The following SYNE1 variants were observed in gnomAD, a reference collection of about 807,000 sequenced individuals.
The protein encoded by SYNE1 is spectrin repeat containing nuclear envelope protein 1.
SYNE1 carries 616 observed loss-of-function variants against 1,111.0 expected under a neutral mutation model. That is an observed-to-expected ratio of 0.55 (90% CI 0.52 to 0.59). The LOEUF is 0.59. Among genes scored for constraint, SYNE1 ranks in the 20% least tolerant of loss-of-function variants. The pLI, the probability that SYNE1 is intolerant of heterozygous loss-of-function variation, is 0.00. For synonymous variants in SYNE1, 3,855 were observed against 3,825.8 expected (o/e 1.01, Z -0.28); for missense variants, 10,006 against 10,417.0 (o/e 0.96, Z 1.72).
Position 152,364,686 on chromosome 6 carries a change from G to GAGGAAGGAAGGA in SYNE1, c.10145+149_10145+160dup, listed in dbSNP as rs138395598. Among the ~76,000 whole-genome samples, 2,534 of 107,986 alleles carry GAGGAAGGAAGGA rather than the reference G, an allele frequency of 0.023. 86 individuals carry two copies. Among genetic ancestry groups the GAGGAAGGAAGGA allele is most frequent in the African/African-American group, 0.061 (1,614 of 26,312 alleles). 70.8% of individuals were successfully genotyped at this position (107,986 alleles called of 152,430 possible). A position where few individuals can be genotyped will look rare whatever the true frequency, so the allele number is the denominator to read the frequency against. On this transcript the variant is annotated intron_variant, in intron 63 of 145. Transcript: ENST00000367255. The stretch of plus-strand genomic sequence containing the variant: ...AGGGAGGGAAGGAGGAAGGAGGAAG[G>GAGGAAGGAAGGA]AGGAAGGAAGGAAGGAAGGAAGGAA...
intron 4 of SYNE1, among the ~76,000 whole-genome samples, chr6:152,528,872 G>A (rs944633736): frequency 6.6e-6 from 1 of 152,146 alleles, no homozygotes; most frequent in African/African-American, 2.4e-5. Flanking sequence ...TTACATTTAT[G>A]GGTTTGTGTA....
chr6:152,601,623 G>T (rs1467165141), intron 3 of SYNE1, among the ~76,000 whole-genome samples: 1 of 152,152 alleles, frequency 6.6e-6, no homozygotes, highest in Non-Finnish European at 1.5e-5. Flanking sequence ...CAGGCCATAG[G>T]CAGGAGGAGC....
At chr6:152,419,757 A>G (rs754940998) in intron 39 of SYNE1, 35 bp from the exon 40 acceptor site, 10 of 1,608,914 alleles carry the variant, frequency 6.2e-6, no homozygotes, top group Non-Finnish European at 8.5e-6. Context: ...AAAATGTCCC[A>G]TAAGTAAACA....
intron 3 of SYNE1, among the ~76,000 whole-genome samples, chr6:152,554,718 A>G (rs116142422): frequency 1.9e-3 from 290 of 152,242 alleles, no homozygotes; most frequent in African/African-American, 6.3e-3. Context: ...TCTGACCTCC[A>G]TATCATCATC....
chr6:152,254,033 G>C (rs2090196768), intron 104 of SYNE1, among the ~76,000 whole-genome samples: 1 of 151,062 alleles, frequency 6.6e-6, no homozygotes. Context: ...TTTTGCATTT[G>C]TTCCGGTATA....
intron 3 of SYNE1, among the ~76,000 whole-genome samples, chr6:152,597,419 T>A (rs1422924160): frequency 6.6e-6 from 1 of 152,208 alleles, no homozygotes; most frequent in Non-Finnish European, 1.5e-5. Flanking sequence ...TAGCTGGGAC[T>A]ACAGATGTGC....
At position 152,387,330 on chromosome 6, in the gene SYNE1, G is replaced by C; in HGVS notation, c.8229C>G (p.Asn2743Lys). 6.2e-7 allele frequency: 1 copy of C among 1,614,138 alleles called. No homozygotes were observed. The highest frequency in any genetic ancestry group is 8.5e-7 in the Non-Finnish European group (1 of 1,180,016). Residue 2743 changes from asparagine (N) to lysine (K), a missense_variant, in exon 54 of 146, where the codon AAC becomes AAG. By Grantham distance (94) the Asn-to-Lys change is moderately conservative. Coordinates refer to ENST00000367255, the MANE Select transcript of SYNE1 (RefSeq NM_182961.4). ...CTGATTCCATCCACTGCTCCAACTG[G>C]TTTTTCCTCTCTACATAGTCATTCC... is the stretch of plus-strand genomic sequence containing the variant. ...SQWNDYVERK[N>K]QLEQWMESVD...
chr6:152,509,213 A>ACTT (rs2099072737), intron 8 of SYNE1, among the ~76,000 whole-genome samples: 1 of 150,938 alleles, frequency 6.6e-6, no homozygotes, highest in Admixed American at 6.6e-5. Flanking sequence ...ATGAGAAAGT[A>ACTT]CTTTTTGAGA....
rs1314595569 is a variant in SYNE1 at position 152,309,827 on chromosome 6, G to T, written c.17202+8C>A. 1 of 1,613,424 alleles carries T rather than the reference G, an allele frequency of 6.2e-7. No individual in the cohort carries two copies. Among genetic ancestry groups the T allele is most frequent in the Admixed American group, 1.7e-5 (1 of 60,012 alleles). On this transcript the variant is annotated splice_region_variant and intron_variant, in intron 90 of 145. Transcript: ENST00000367255. ...ATTGCTCTACTGGTGTGGGTACCCT[G>T]CACCTGCCTGCATGATGTTACACTG... is the stretch of plus-strand genomic sequence containing the variant.
chr6:152,362,399 A>C, intron 63 of SYNE1, 76 bp from the exon 64 acceptor site: 1 of 1,593,830 alleles, frequency 6.3e-7, no homozygotes, highest in Non-Finnish European at 8.6e-7. Context: ...TGTCTGCTCC[A>C]TCCACTCCAG....
rs2153938686 is a variant in SYNE1, at chr6:152,323,604, T to C, written c.15791A>G (p.Gln5264Arg). 2.5e-6 allele frequency: 4 copies of C among 1,614,252 alleles called. No individual in the cohort carries two copies. The highest frequency in any genetic ancestry group is 2.2e-5 in the South Asian group (2 of 91,086). The change falls in exon 82 of 146, where the codon CAG becomes CGG. Residue 5264 changes from glutamine to arginine, a missense_variant. Gln to Arg is a conservative substitution (Grantham distance 43, BLOSUM62 1). Around this residue, in one of 7 missense-constraint regions of SYNE1, gnomAD observed 4,955 missense variants for 5,017.2 expected, o/e 0.99. Coordinates refer to ENST00000367255, the MANE Select transcript of SYNE1 (RefSeq NM_182961.4). ...CCGCAGCATGCCCAAGGCCGACTGCTGCTGCTCCAGCTCCAGAACGAACGT... is the reference window on the plus strand; with the variant it reads ...CCGCAGCATGCCCAAGGCCGACTGCCGCTGCTCCAGCTCCAGAACGAACGT... ...HDTFVLELEQ[Q>R]QSALGMLRQQ... is the part of the protein sequence containing the mutation.
intron 3 of SYNE1, among the ~76,000 whole-genome samples, chr6:152,615,365 C>A (rs1356683799): frequency 1.3e-5 from 2 of 151,784 alleles, no homozygotes; most frequent in Admixed American, 1.3e-4. Context: ...TTTTGTACAA[C>A]TATTGTTATC....
rs889111484 is a variant in SYNE1 at position 152,352,197 on chromosome 6, C to G, written c.11410G>C (p.Val3804Leu). ...MEQLKELTST[V>L]RKEHMTLEKG... ...TCCAGCGTCATGTGTTCTTTCCGGA[C>G]AGTGCTGGTCAGTTCCTTCAACTGC... The change falls in exon 70 of 146, where the codon GTC (valine) becomes CTC (leucine). Residue 3804 changes from valine to leucine, a missense_variant. By Grantham distance (32) the Val-to-Leu change is conservative. Around this residue, in one of 7 missense-constraint regions of SYNE1, gnomAD observed 4,955 missense variants for 5,017.2 expected, o/e 0.99. Coordinates refer to ENST00000367255, the MANE Select transcript of SYNE1 (RefSeq NM_182961.4). 3.7e-6 allele frequency: 6 copies of G among 1,614,042 alleles called. No individual in the cohort carries two copies. The highest frequency in any genetic ancestry group is 5.1e-6 in the Non-Finnish European group (6 of 1,180,050).
chr6:152,176,837 AAGAT>A (rs1362888423), intron 129 of SYNE1, among the ~76,000 whole-genome samples: 5 of 152,156 alleles, frequency 3.3e-5, no homozygotes, highest in Non-Finnish European at 5.9e-5. Flanking sequence ...AAAACAATAA[AAGAT>A]AGATATAAAA....
At chr6:152,592,877 G>T (rs2099570911) in intron 3 of SYNE1, among the ~76,000 whole-genome samples, 1 of 152,084 alleles carries the variant, frequency 6.6e-6, no homozygotes, top group Admixed American at 6.6e-5. Flanking sequence ...TGTCTTCATG[G>T]GCCCAGTGTG....
At chr6:152,245,787 T>C (rs2086961955) in intron 105 of SYNE1, among the ~76,000 whole-genome samples, 1 of 152,146 alleles carries the variant, frequency 6.6e-6, no homozygotes, top group Non-Finnish European at 1.5e-5. Context: ...GAAGAGCTGC[T>C]TAAAGGACAG....
At position 152,455,787 on chromosome 6, in the gene SYNE1, T is replaced by C. The variant is rs923646531; in HGVS notation, c.2727+99A>G. 4.6e-6 allele frequency: 7 copies of C among 1,528,458 alleles called. No homozygotes were observed. The African/African-American group carries it at 9.6e-5, about 21-fold the overall frequency. The allele number at this position is 1,528,458 out of a possible 1,614,324, so 94.7% of individuals were successfully genotyped here. ...TGATTGGCTTCCAAACACCAGCAGG[T>C]AAGGCGTTTTAGCAAGACCAAAAGC... is the stretch of plus-strand genomic sequence containing the variant. On this transcript the variant is annotated intron_variant, in intron 23 of 145. Coordinates refer to ENST00000367255, the MANE Select transcript of SYNE1 (RefSeq NM_182961.4).
chr6:152,525,410 T>C (rs1290570390), intron 5 of SYNE1, among the ~76,000 whole-genome samples: 2 of 152,196 alleles, frequency 1.3e-5, no homozygotes, highest in African/African-American at 4.8e-5. Context: ...ATGGTAAACA[T>C]TATTTATAAA....
At chr6:152,314,162 C>T (rs1039472739) in intron 87 of SYNE1, among the ~76,000 whole-genome samples, 4 of 152,206 alleles carry the variant, frequency 2.6e-5, no homozygotes, top group African/African-American at 7.2e-5. Flanking sequence ...GCTAAATTTG[C>T]TTTCTGAAAA....
Sources: allele counts gnomAD v4.1 joint callset (sites outside exome capture counted in the v4.1 genomes callset), GRCh38; gene constraint gnomAD v4.1.1; regional missense constraint gnomAD v4.1.1; transcripts MANE v1.5; gene names NCBI Gene and HGNC (gene_info 2026-07-23, HGNC 2026-07-21).